GREB1L: variants seen among roughly 807,000 people sequenced by gnomAD.
GREB1L encodes the protein GREB1 like retinoic acid receptor coactivator.
GREB1L carries 17 observed loss-of-function variants against 200.8 expected under a neutral mutation model. That is an observed-to-expected ratio of 0.08 (90% CI 0.06 to 0.13). GREB1L has a LOEUF of 0.13. Ranked by LOEUF, GREB1L falls within the 10% of genes least tolerant of loss-of-function variation. GREB1L has a pLI of 1.00. For missense variants in GREB1L, 1,657 were observed against 2,367.7 expected (o/e 0.70, Z 6.23); for synonymous variants, 789 against 893.0 (o/e 0.88, Z 2.08).
intron 1 of GREB1L, among the ~76,000 whole-genome samples, chr18:21,301,234 G>A (rs554099878): frequency 6.6e-6 from 1 of 152,334 alleles, no homozygotes; most frequent in African/African-American, 2.4e-5. Context: ...CATTGTTAGA[G>A]TGAAGCTGAC....
intron 6 of GREB1L, among the ~76,000 whole-genome samples, chr18:21,402,447 C>A (rs1209509084): frequency 7.0e-6 from 1 of 143,090 alleles, no homozygotes; most frequent in East Asian, 2.0e-4. Flanking sequence ...TCTTTTCTTT[C>A]TTTCTTCCTT....
rs2036554595 is a variant in GREB1L, at chr18:21,496,606, A to G, written c.3299A>G (p.Glu1100Gly). 6 of 1,551,696 alleles carry G rather than the reference A, an allele frequency of 3.9e-6. No homozygotes were observed. Among genetic ancestry groups the G allele is most frequent in the Non-Finnish European group, 8.7e-7 (1 of 1,146,964 alleles). The change falls in exon 21 of 33, where the codon GAG becomes GGG. Residue 1100 changes from glutamate to glycine, a missense_variant. By Grantham distance (98) the Glu-to-Gly change is moderately conservative. Coordinates refer to ENST00000424526, the MANE Select transcript of GREB1L (RefSeq NM_001142966.3). ...CTGGACCTCAGCGGGAAGGAGCAGG[A>G]GAGAGCTGCTGTCAGTGAGAATGAC... ...VALDLSGKEQ[E>G]RAAVSENDSD...
chr18:21,403,589 G>T (rs1331615915), intron 6 of GREB1L, among the ~76,000 whole-genome samples: 1 of 152,148 alleles, frequency 6.6e-6, no homozygotes, highest in Non-Finnish European at 1.5e-5. Flanking sequence ...CATAAAACTA[G>T]CATGACTATA....
At chr18:21,356,752 G>C (rs1486694282) in intron 1 of GREB1L, among the ~76,000 whole-genome samples, 1 of 152,138 alleles carries the variant, frequency 6.6e-6, no homozygotes, top group Non-Finnish European at 1.5e-5. Context: ...CCTCCATACT[G>C]TTTTCTGTAA....
At position 21,505,549 on chromosome 18, in the gene GREB1L, C is replaced by T; in HGVS notation, c.4210C>T (p.Leu1404=). The change falls in exon 24 of 33, where the codon CTG becomes TTG. Residue 1404 remains leucine (L), a synonymous_variant. Coordinates refer to ENST00000424526, the MANE Select transcript of GREB1L (RefSeq NM_001142966.3). ...SLMSLVYTEK[L]AGVKQEVIKE... is the part of the protein sequence containing the mutation. ...GATGAGCCTGGTGTATACTGAGAAG[C>T]TGGCAGGGGTCAAACAAGGTCAGTG... is the stretch of plus-strand genomic sequence containing the variant. 1 of 1,551,814 alleles carries T rather than the reference C, an allele frequency of 6.4e-7. No individual in the cohort carries two copies. The highest frequency in any genetic ancestry group is 1.2e-5 in the South Asian group (1 of 84,056).
chr18:21,480,208 G>C (rs1290894526), intron 17 of GREB1L, among the ~76,000 whole-genome samples: 1 of 152,046 alleles, frequency 6.6e-6, no homozygotes, highest in Non-Finnish European at 1.5e-5. Context: ...AAAATTAGCT[G>C]GGTGTGGTGG....
chr18:21,505,751 T>C (rs2036986168), intron 24 of GREB1L, 59 bp from the exon 25 acceptor site: 2 of 1,489,954 alleles, frequency 1.3e-6, no homozygotes, highest in Admixed American at 2.3e-5. Flanking sequence ...GACTTTTCTT[T>C]CCAGGCATAG....
chr18:21,443,421 G>C (rs1171630675), intron 10 of GREB1L, among the ~76,000 whole-genome samples: 1 of 151,588 alleles, frequency 6.6e-6, no homozygotes, highest in Non-Finnish European at 1.5e-5. Context: ...TGGCCAGGCT[G>C]GTCTCAAACT....
intron 1 of GREB1L, among the ~76,000 whole-genome samples, chr18:21,277,939 A>T (rs1299415225): frequency 2.0e-5 from 3 of 152,224 alleles, no homozygotes; most frequent in Non-Finnish European, 4.4e-5. Flanking sequence ...TGAAAGCAAG[A>T]AAGTGCCAAA....
rs761368191 is a variant in GREB1L, at chr18:21,454,428, T to A, written c.2047T>A (p.Ser683Thr). The A allele has an allele frequency of 6.4e-7, 1 of 1,551,864 alleles. No individual in the cohort carries two copies. The highest frequency in any genetic ancestry group is 8.7e-7 in the Non-Finnish European group (1 of 1,146,978). The change falls in exon 15 of 33, where the codon TCC becomes ACC. Residue 683 changes from serine (S) to threonine (T), a missense_variant. Ser to Thr is a moderately conservative substitution (Grantham distance 58). Transcript: ENST00000424526. ...GCTAACAGTTGCCAGAAAACTCTTA[T>A]CCCAGGTGTGTGCTATAGCGGACAG... is the stretch of plus-strand genomic sequence containing the variant. ...PQLTVARKLL[S>T]QVCAIADSGS...
At chr18:21,504,422 G>C (rs2145984139) in intron 23 of GREB1L, among the ~76,000 whole-genome samples, 1 of 152,328 alleles carries the variant, frequency 6.6e-6, no homozygotes, top group East Asian at 1.9e-4. Context: ...TGCAATCCTA[G>C]CTACTCAGGA....
At chr18:21,286,791 C>A (rs1404900054) in intron 1 of GREB1L, among the ~76,000 whole-genome samples, 2 of 152,158 alleles carry the variant, frequency 1.3e-5, no homozygotes, top group South Asian at 2.1e-4. Flanking sequence ...AGCCACTGCA[C>A]CTGGCCTATG....
At chr18:21,441,137 A>C (rs1283668101) in intron 9 of GREB1L, among the ~76,000 whole-genome samples, 3 of 152,184 alleles carry the variant, frequency 2.0e-5, no homozygotes, top group Non-Finnish European at 4.4e-5. Flanking sequence ...AGGATCCAAA[A>C]TATTGCATAT....
At chr18:21,359,857 T>C (rs2039557908) in intron 1 of GREB1L, among the ~76,000 whole-genome samples, 1 of 152,210 alleles carries the variant, frequency 6.6e-6, no homozygotes, top group African/African-American at 2.4e-5. Context: ...TTCTTGAATA[T>C]TGTTACTAAT....
intron 13 of GREB1L, among the ~76,000 whole-genome samples, chr18:21,451,841 G>A (rs146849372): frequency 1.2e-3 from 187 of 152,150 alleles, no homozygotes; most frequent in African/African-American, 4.4e-3. Flanking sequence ...TTGAGTATTA[G>A]GGAAGTCAAG....
chr18:21,300,674 A>T (rs940342618), intron 1 of GREB1L, among the ~76,000 whole-genome samples: 1 of 152,190 alleles, frequency 6.6e-6, no homozygotes, highest in Non-Finnish European at 1.5e-5. Context: ...TCTGGGTGGC[A>T]GGTTTTATAC....
intron 15 of GREB1L, among the ~76,000 whole-genome samples, chr18:21,472,562 C>CT (rs2035524883): frequency 6.6e-6 from 1 of 151,984 alleles, no homozygotes; most frequent in Admixed American, 6.6e-5. Flanking sequence ...AGCTGACAAT[C>CT]TAACGTGGTA....
At chr18:21,479,788 T>C (rs2035851908) in intron 17 of GREB1L, among the ~76,000 whole-genome samples, 1 of 152,334 alleles carries the variant, frequency 6.6e-6, no homozygotes, top group South Asian at 2.1e-4. Context: ...ACGCCCATGC[T>C]GGAGTGCAGT....
chr18:21,321,894 A>G (rs1203490109), intron 1 of GREB1L, among the ~76,000 whole-genome samples: 1 of 152,228 alleles, frequency 6.6e-6, no homozygotes, highest in Non-Finnish European at 1.5e-5. Context: ...TTTCTTTTGC[A>G]TGATACACAA....
Sources: allele counts gnomAD v4.1 joint callset (sites outside exome capture counted in the v4.1 genomes callset), GRCh38; gene constraint gnomAD v4.1.1; transcripts MANE v1.5; gene names NCBI Gene and HGNC (gene_info 2026-07-23, HGNC 2026-07-21).